PARD3B: variants seen among roughly 807,000 people sequenced by gnomAD.
The protein encoded by PARD3B is partitioning defective 3 homolog B.
Under a neutral mutation model 130.2 loss-of-function variants are expected in PARD3B, and 103 were observed. The observed-to-expected ratio is 0.79, with a 90% CI of 0.67 to 0.93. The LOEUF (loss-of-function observed/expected upper bound fraction) is 0.93, where lower values mean the gene tolerates loss of function less well. Among genes scored for constraint, PARD3B ranks in the 40% least tolerant of loss-of-function variants. The pLI is 0.00. For missense variants in PARD3B, 1,609 were observed against 1,499.2 expected, an observed-to-expected ratio of 1.07 and a Z score of -1.21; for synonymous variants, 583 against 553.2, an observed-to-expected ratio of 1.05 and a Z score of -0.76.
intron 2 of PARD3B, among the ~76,000 whole-genome samples, chr2:204,731,795 G>GT (rs948418293): frequency 4.6e-5 from 7 of 151,898 alleles, no homozygotes; most frequent in East Asian, 3.9e-4. Context: ...AGTTACATTG[G>GT]TTTTTTTTAG....
intron 3 of PARD3B, among the ~76,000 whole-genome samples, chr2:205,029,402 G>A (rs1293521135): frequency 6.6e-6 from 1 of 152,068 alleles, no homozygotes; most frequent in African/African-American, 2.4e-5. Flanking sequence ...TCCTATAAGT[G>A]TCTTTCCCCT....
chr2:204,572,387 G>A (rs1246909590), intron 1 of PARD3B, among the ~76,000 whole-genome samples: 1 of 151,968 alleles, frequency 6.6e-6, no homozygotes, highest in Non-Finnish European at 1.5e-5. Flanking sequence ...AAGTGGGGGA[G>A]GAAAGAACCA....
intron 2 of PARD3B, among the ~76,000 whole-genome samples, chr2:204,791,347 A>G (rs2042198009): frequency 1.3e-5 from 2 of 152,146 alleles, no homozygotes; most frequent in African/African-American, 2.4e-5. Flanking sequence ...ATTGTTTCCT[A>G]TTGATATCTT....
chr2:205,121,839 G>A lies in PARD3B; in HGVS notation c.1055G>A (p.Ser352Asn), dbSNP rs1559460346. The change falls in exon 8 of 23, where the codon AGT becomes AAT. Residue 352 changes from serine (S) to asparagine (N), a missense_variant. Physicochemically the swap from Ser to Asn is conservative, Grantham distance 46. Coordinates refer to ENST00000406610, the MANE Select transcript of PARD3B (RefSeq NM_001302769.2). The surrounding 1 kb of genome is among the most constrained non-coding windows in gnomAD (Gnocchi z 5.0). ...DASASLQQNK[S>N]PRVPRLGGKP... ...TCAGCTTCCCTGCAACAAAACAAGA[G>A]TCCCCGAGTACCAAGGCTGGGAGGA... 1.9e-6 allele frequency: 3 copies of A among 1,614,064 alleles called. No homozygotes were observed. Among genetic ancestry groups the A allele is most frequent in the Non-Finnish European group, 2.5e-6 (3 of 1,180,020 alleles).
At chr2:204,800,310 C>G (rs900217929) in intron 2 of PARD3B, among the ~76,000 whole-genome samples, 4 of 151,824 alleles carry the variant, frequency 2.6e-5, no homozygotes, top group African/African-American at 9.7e-5. Context: ...GGCTTAAAGA[C>G]AGGATATTTA....
At chr2:205,195,839 A>AC (rs2036654593) in intron 15 of PARD3B, among the ~76,000 whole-genome samples, 1 of 151,464 alleles carries the variant, frequency 6.6e-6, no homozygotes. Context: ...TTAAAAAAAA[A>AC]ACCTTCTATT....
chr2:204,594,442 A>G lies in PARD3B; in HGVS notation c.120+48323A>G, dbSNP rs1467286649. 2.0e-5 allele frequency among the ~76,000 whole-genome samples: 3 copies of G among 152,226 alleles called. No homozygotes were observed. The East Asian group carries it at 5.8e-4, about 29-fold the overall frequency. On this transcript the variant is annotated intron_variant, in intron 1 of 22. Coordinates refer to ENST00000406610, the MANE Select transcript of PARD3B (RefSeq NM_001302769.2). ...GAAGGTGACTAGTGATTATGCGTGG[A>G]GAACTTGCTGTATTCAGGAATGTAC...
intron 2 of PARD3B, among the ~76,000 whole-genome samples, chr2:204,851,454 A>C (rs2044703261): frequency 6.6e-6 from 1 of 152,214 alleles, no homozygotes; most frequent in Non-Finnish European, 1.5e-5. Context: ...GTCAGAGTGA[A>C]TGGTAAACAT....
At position 205,235,295 on chromosome 2, in the gene PARD3B, G is replaced by A. The variant is rs139951486; in HGVS notation, c.2141-10483G>A. Among the ~76,000 whole-genome samples the A allele has an allele frequency of 2.3e-3, 349 of 152,188 alleles. 2 individuals carry two copies. The highest frequency in any genetic ancestry group is 3.6e-3 in the Non-Finnish European group (247 of 67,992). On this transcript the variant is annotated intron_variant, in intron 15 of 22. Coordinates refer to ENST00000406610, the MANE Select transcript of PARD3B (RefSeq NM_001302769.2). ...AAGTTAGTCGGGCATGGTGGCATTT[G>A]CCTGTAGTCCTAGCTACTCGGGAGG...
At chr2:204,885,200 G>C (rs920458434) in intron 2 of PARD3B, among the ~76,000 whole-genome samples, 1 of 152,032 alleles carries the variant, frequency 6.6e-6, no homozygotes, top group African/African-American at 2.4e-5. Context: ...ATCTCATTGT[G>C]GTTTTTATTT....
intron 2 of PARD3B, among the ~76,000 whole-genome samples, chr2:204,770,614 C>T (rs1297669393): frequency 1.3e-5 from 2 of 151,940 alleles, no homozygotes; most frequent in East Asian, 3.9e-4. Flanking sequence ...GATGATCAGT[C>T]AACAAATATT....
chr2:204,738,779 G>A (rs2039869080), intron 2 of PARD3B, among the ~76,000 whole-genome samples: 3 of 152,026 alleles, frequency 2.0e-5, no homozygotes, highest in South Asian at 2.1e-4. Flanking sequence ...CCCTTTCATC[G>A]GCAAATGAGC....
chr2:205,551,184 A>G (rs974709815), intron 21 of PARD3B, among the ~76,000 whole-genome samples: 1 of 151,690 alleles, frequency 6.6e-6, no homozygotes, highest in African/African-American at 2.4e-5. Context: ...TATACTATGG[A>G]TACATAAGCA....
intron 2 of PARD3B, among the ~76,000 whole-genome samples, chr2:204,840,535 T>C (rs1432854926): frequency 6.9e-6 from 1 of 145,770 alleles, no homozygotes; most frequent in East Asian, 2.0e-4. Flanking sequence ...AATTTGTCCT[T>C]TTTTTTTTTA....
intron 18 of PARD3B, among the ~76,000 whole-genome samples, chr2:205,326,887 T>A (rs1002502270): frequency 6.6e-6 from 1 of 152,152 alleles, no homozygotes; most frequent in African/African-American, 2.4e-5. Context: ...TCAATATTAA[T>A]CAGACTAGAC....
intron 4 of PARD3B, among the ~76,000 whole-genome samples, chr2:205,068,412 T>C (rs1165206782): frequency 6.6e-6 from 1 of 152,220 alleles, no homozygotes; most frequent in African/African-American, 2.4e-5. Context: ...TTGGTTAATC[T>C]TAGTAGACAT....
rs951127817 is a variant in PARD3B at position 205,268,741 on chromosome 2, T to A, written c.2185+22919T>A. The stretch of plus-strand genomic sequence containing the variant: ...AATTTTGAGGAATATAGTGCCAATT[T>A]GACAGAAGAGACTTCTCAGCTCTTT... On this transcript the variant is annotated intron_variant, in intron 16 of 22. Coordinates refer to ENST00000406610, the MANE Select transcript of PARD3B (RefSeq NM_001302769.2). The surrounding 1 kb of genome is among the most constrained non-coding windows in gnomAD (Gnocchi z 4.1). Among the ~76,000 whole-genome samples, 2 of 152,172 alleles carry A rather than the reference T, an allele frequency of 1.3e-5. No individual in the cohort carries two copies.
At chr2:204,865,353 A>G (rs2045366390) in intron 2 of PARD3B, among the ~76,000 whole-genome samples, 1 of 152,234 alleles carries the variant, frequency 6.6e-6, no homozygotes, top group African/African-American at 2.4e-5. Flanking sequence ...AATCAGGAAA[A>G]TATGGAGCCA....
At chr2:205,181,505 A>G (rs969285555) in intron 13 of PARD3B, among the ~76,000 whole-genome samples, 1 of 152,248 alleles carries the variant, frequency 6.6e-6, no homozygotes, top group African/African-American at 2.4e-5. Flanking sequence ...TTTGGACTGT[A>G]GGTCTCTGTC....
Sources: gnomAD v4.1 joint callset for allele counts (sites outside exome capture counted in the v4.1 genomes callset) on GRCh38, gnomAD v4.1.1 for gene constraint, Gnocchi (gnomAD v3.1) non-coding constraint, MANE v1.5 for transcripts, NCBI Gene and HGNC (gene_info 2026-07-23, HGNC 2026-07-21) for gene names.